Variants in FUT8 observed in about 807,000 individuals in gnomAD.
FUT8 encodes alpha-(1,6)-fucosyltransferase.
Under a neutral mutation model 71.3 loss-of-function variants are expected in FUT8, and 29 were observed. The ratio of observed to expected loss-of-function variants is 0.41; its 90% CI spans 0.30 to 0.55. The LOEUF (loss-of-function observed/expected upper bound fraction) is 0.55, where lower values mean the gene tolerates loss of function less well. Ranked by LOEUF, FUT8 falls within the 20% of genes least tolerant of loss-of-function variation. The pLI is 0.34. For missense variants in FUT8, 544 were observed against 702.1 expected (o/e 0.77, Z 2.55); for synonymous variants, 254 against 239.3 (o/e 1.06, Z -0.57).
rs1895570503 is a variant in FUT8, at chr14:65,724,271, A to G, written c.1207A>G (p.Arg403Gly). 1 of 1,613,252 alleles carries G rather than the reference A, an allele frequency of 6.2e-7. No homozygotes were observed. Residue 403 changes from arginine (R) to glycine (G), a missense_variant, in exon 9 of 11, where the codon AGA (arginine) becomes GGA (glycine). Transcript: ENST00000673929. The part of the protein sequence containing the change: ...LARRMQVDKK[R>G]VYLATDDPSL... Reference sequence around the variant, plus strand: ...ACGCAGAATGCAAGTGGACAAAAAAAGAGTGTATTTGGCCACAGATGACCC... The same window carrying G: ...ACGCAGAATGCAAGTGGACAAAAAAGGAGTGTATTTGGCCACAGATGACCC...
At chr14:65,420,379 A>T (rs1388282433) in intron 1 of FUT8, among the ~76,000 whole-genome samples, 1 of 152,050 alleles carries the variant, frequency 6.6e-6, no homozygotes, top group Non-Finnish European at 1.5e-5. Context: ...GGCCTCCCAA[A>T]ATGCTGGGAT....
chr14:65,586,758 A>G (rs1290823086), intron 3 of FUT8, among the ~76,000 whole-genome samples: 4 of 152,236 alleles, frequency 2.6e-5, no homozygotes, highest in Admixed American at 6.5e-5. Flanking sequence ...TTGTGCTTCT[A>G]TCAAATAAAA....
chr14:65,661,533 G>A (rs1451598409), intron 6 of FUT8, among the ~76,000 whole-genome samples: 2 of 152,174 alleles, frequency 1.3e-5, no homozygotes, highest in African/African-American at 4.8e-5. Flanking sequence ...TTTTTGGTCA[G>A]TAGTAACTCT....
intron 1 of FUT8, among the ~76,000 whole-genome samples, chr14:65,431,753 C>T (rs1007566065): frequency 6.6e-6 from 1 of 151,322 alleles, no homozygotes; most frequent in African/African-American, 2.4e-5. Flanking sequence ...TAAGTTCTGT[C>T]TCCCATTTGG....
At chr14:65,414,114 G>C (rs1298022922) in intron 1 of FUT8, among the ~76,000 whole-genome samples, 16 of 152,124 alleles carry the variant, frequency 1.1e-4, no homozygotes, top group Admixed American at 7.9e-4. Flanking sequence ...CAGGAAGGTG[G>C]ACCCAGAAAA....
intron 2 of FUT8, among the ~76,000 whole-genome samples, chr14:65,538,671 G>C (rs951834876): frequency 1.3e-5 from 2 of 152,222 alleles, no homozygotes; most frequent in Non-Finnish European, 2.9e-5. Context: ...TGTAATCCCA[G>C]TAGTTTGGGT....
chr14:65,707,579 AT>A (rs1167097895), intron 7 of FUT8, among the ~76,000 whole-genome samples: 7 of 152,136 alleles, frequency 4.6e-5, no homozygotes, highest in Non-Finnish European at 8.8e-5. Context: ...CACCACTGTC[AT>A]GAAGCTTTTC....
chr14:65,584,708 A>AC (rs1887281800), intron 3 of FUT8, among the ~76,000 whole-genome samples: 1 of 152,236 alleles, frequency 6.6e-6, no homozygotes, highest in African/African-American at 2.4e-5. Context: ...CTGTGTTAGG[A>AC]TCTAAGTACT....
At chr14:65,480,656 T>C (rs910157230) in intron 2 of FUT8, among the ~76,000 whole-genome samples, 3 of 151,960 alleles carry the variant, frequency 2.0e-5, no homozygotes, top group African/African-American at 7.3e-5. Context: ...CTTCTGGGTA[T>C]GTATCCAGAA....
At position 65,733,397 on chromosome 14, in the gene FUT8, G is replaced by A; in HGVS notation, c.1410+16G>A. 2 of 1,548,484 alleles carry A rather than the reference G, an allele frequency of 1.3e-6. No individual in the cohort carries two copies. Among genetic ancestry groups the A allele is most frequent in the Non-Finnish European group, 1.7e-6 (2 of 1,146,980 alleles). ...TTCATCCCAGGTAAGTGTCAGTAGG[G>A]CATTTTAAAATAACCAATACTTTTT... On this transcript the variant is annotated intron_variant, in intron 10 of 10. Coordinates refer to ENST00000673929, the MANE Select transcript of FUT8 (RefSeq NM_001371533.1).
At chr14:65,629,863 A>G (rs552863456) in intron 6 of FUT8, among the ~76,000 whole-genome samples, 17 of 150,422 alleles carry the variant, frequency 1.1e-4, no homozygotes, top group African/African-American at 3.9e-4. Flanking sequence ...CACACAATAC[A>G]ATACAAATAT....
Position 65,611,299 on chromosome 14 carries a change from ACACC to A in FUT8, c.204-4677_204-4674del, listed in dbSNP as rs1171991164. ...CACACACACACACACACACACACAC[ACACC>A]CCCCAAGTAATAGCCTTGATTTTGC... On this transcript the variant is annotated intron_variant, in intron 3 of 10. Transcript: ENST00000673929. Among the ~76,000 whole-genome samples the A allele has an allele frequency of 2.6e-3, 131 of 49,682 alleles. 24 individuals carry two copies. Among genetic ancestry groups the A allele is most frequent in the African/African-American group, 0.012 (107 of 9,102 alleles). The allele number at this position is 49,682 out of a possible 152,430, so 32.6% of individuals were successfully genotyped here. A position where few individuals can be genotyped will look rare whatever the true frequency, so the allele number is the denominator to read the frequency against.
the FUT8 span, among the ~76,000 whole-genome samples, chr14:65,378,210 G>C: frequency 2.0e-5 from 3 of 151,996 alleles, no homozygotes; most frequent in African/African-American, 7.3e-5. Flanking sequence ...TATAGTTTAG[G>C]AGTCACCCTA....
chr14:65,454,161 T>G (rs1244051988), intron 1 of FUT8, among the ~76,000 whole-genome samples: 1 of 152,218 alleles, frequency 6.6e-6, no homozygotes, highest in Non-Finnish European at 1.5e-5. Context: ...TTCACACTAT[T>G]GGATTATTGA....
chr14:65,721,920 G>T lies in FUT8; in HGVS notation c.981G>T (p.Trp327Cys). The change falls in exon 8 of 11, where the codon TGG becomes TGT. Residue 327 changes from tryptophan to cysteine, a missense_variant. By Grantham distance (215) the Trp-to-Cys change is radical. Transcript: ENST00000673929. ...VRVHGDPAVW[W>C]VSQFVKYLIR... is the part of the protein sequence containing the mutation. ...TGCATGGTGACCCTGCAGTGTGGTG[G>T]GTGTCTCAGTTTGTCAAATACTTGA... The T allele has an allele frequency of 6.2e-7, 1 of 1,614,088 alleles. No individual in the cohort carries two copies. The highest frequency in any genetic ancestry group is 8.5e-7 in the Non-Finnish European group (1 of 1,180,022).
intron 7 of FUT8, among the ~76,000 whole-genome samples, chr14:65,689,128 A>G (rs531209268): frequency 1.3e-5 from 2 of 152,370 alleles, no homozygotes; most frequent in African/African-American, 4.8e-5. Context: ...TGCAGCAGCA[A>G]TGAATGAGAG....
chr14:65,618,437 A>T (rs2140232998), intron 5 of FUT8, among the ~76,000 whole-genome samples: 1 of 152,212 alleles, frequency 6.6e-6, no homozygotes, highest in East Asian at 1.9e-4. Flanking sequence ...AAAAATGGTA[A>T]GTAAAGGTAC....
chr14:65,357,511 G>A, the FUT8 span, among the ~76,000 whole-genome samples: 40 of 152,172 alleles, frequency 2.6e-4, no homozygotes, highest in Non-Finnish European at 5.0e-4. Context: ...CTACCCTTAG[G>A]TGGTTGAGAT....
chr14:65,521,883 TA>T (rs1293380444), intron 2 of FUT8, among the ~76,000 whole-genome samples: 6 of 144,898 alleles, frequency 4.1e-5, no homozygotes, highest in Admixed American at 2.1e-4. Context: ...TTTTTTTTTT[TA>T]AATTCATACT....
Sources: allele counts gnomAD v4.1 joint callset (sites outside exome capture counted in the v4.1 genomes callset), GRCh38; gene constraint gnomAD v4.1.1; transcripts MANE v1.5; gene names NCBI Gene and HGNC (gene_info 2026-07-23, HGNC 2026-07-21).